The following GRIA4 variants were observed in gnomAD, a reference collection of about 807,000 sequenced individuals.
The protein encoded by GRIA4 is glutamate receptor 4.
Under a neutral mutation model 104.0 loss-of-function variants are expected in GRIA4, and 34 were observed. The ratio of observed to expected loss-of-function variants is 0.33; its 90% CI spans 0.25 to 0.44. GRIA4 has a LOEUF of 0.44. Ranked by LOEUF, GRIA4 falls within the 20% of genes least tolerant of loss-of-function variation. The pLI is 1.00. For synonymous variants in GRIA4, 386 were observed against 381.9 expected (o/e 1.01, Z -0.13); for missense variants, 750 against 1,096.5 (o/e 0.68, Z 4.46).
rs1175114051 is a variant in GRIA4, at chr11:105,798,840, G to A, written c.487+45620G>A. On this transcript the variant is annotated intron_variant, in intron 4 of 16. Coordinates refer to ENST00000282499, the MANE Select transcript of GRIA4 (RefSeq NM_000829.4). ...AGAACAGAGGAAAGAATATTGGTGG[G>A]AAGTCAGGTAGTGCTCAGGTTTTAA... Among the ~76,000 whole-genome samples, 3 of 152,126 alleles carry A rather than the reference G, an allele frequency of 2.0e-5. No homozygotes were observed. In the East Asian group the frequency reaches 5.8e-4, roughly 29 times the overall value.
chr11:105,892,166 C>G (rs1026742952), intron 6 of GRIA4, among the ~76,000 whole-genome samples: 1 of 152,088 alleles, frequency 6.6e-6, no homozygotes, highest in Middle Eastern at 3.2e-3. Context: ...TTAATCATCT[C>G]CCACAGCACC....
At chr11:105,976,016 T>A (rs775452229) in intron 16 of GRIA4, among the ~76,000 whole-genome samples, 1 of 152,090 alleles carries the variant, frequency 6.6e-6, no homozygotes, top group Non-Finnish European at 1.5e-5. Context: ...CAAAGTGGGA[T>A]AATATCAAGG....
At chr11:105,694,439 T>C (rs777830681) in intron 3 of GRIA4, among the ~76,000 whole-genome samples, 26 of 152,012 alleles carry the variant, frequency 1.7e-4, no homozygotes, top group Non-Finnish European at 3.8e-4. Flanking sequence ...AAGTCAATGC[T>C]CCCGGCCACA....
chr11:105,612,902 A>G (rs1562221), intron 3 of GRIA4: 11,883 of 154,818 alleles, frequency 0.077, 526 homozygotes, highest in African/African-American at 0.11. Context: ...AATAGTGAGA[A>G]AAAGAGGGGA....
At chr11:105,872,009 G>A (rs1945635923) in intron 5 of GRIA4, among the ~76,000 whole-genome samples, 1 of 152,064 alleles carries the variant, frequency 6.6e-6, no homozygotes, top group South Asian at 2.1e-4. Flanking sequence ...GGAAGGAGGT[G>A]AGTGAAAGAT....
At chr11:105,901,859 C>T (rs905349743) in intron 7 of GRIA4, among the ~76,000 whole-genome samples, 3 of 151,982 alleles carry the variant, frequency 2.0e-5, no homozygotes, top group Non-Finnish European at 4.4e-5. Flanking sequence ...TTTTTTCCTC[C>T]TTTGGTCCTC....
intron 3 of GRIA4, among the ~76,000 whole-genome samples, chr11:105,693,776 G>T (rs761443064): frequency 2.6e-5 from 4 of 152,096 alleles, no homozygotes; most frequent in Non-Finnish European, 4.4e-5. Flanking sequence ...ACAGCACAGA[G>T]ATCAGAAAAT....
chr11:105,741,666 G>A (rs1398016969), intron 3 of GRIA4, among the ~76,000 whole-genome samples: 1 of 152,122 alleles, frequency 6.6e-6, no homozygotes, highest in Non-Finnish European at 1.5e-5. Context: ...AGCCTTATCT[G>A]TGCCTGAAGA....
intron 14 of GRIA4, among the ~76,000 whole-genome samples, chr11:105,942,666 C>T (rs1338984009): frequency 6.6e-6 from 1 of 152,044 alleles, no homozygotes; most frequent in East Asian, 1.9e-4. Flanking sequence ...CATAGATTCA[C>T]TCTGAAAACT....
chr11:105,974,731 T>C (rs1270796488), intron 16 of GRIA4: 3 of 579,800 alleles, frequency 5.2e-6, no homozygotes, highest in African/African-American at 3.7e-5. Flanking sequence ...TTTGAAACTT[T>C]ATGTTGCCAA....
intron 3 of GRIA4, among the ~76,000 whole-genome samples, chr11:105,666,160 C>T (rs564018898): frequency 2.3e-4 from 35 of 152,096 alleles, no homozygotes; most frequent in Admixed American, 1.8e-3. Context: ...TGAACCATTG[C>T]TTCTCTTTCT....
At chr11:105,779,162 A>C (rs1033790148) in intron 4 of GRIA4, among the ~76,000 whole-genome samples, 1 of 151,746 alleles carries the variant, frequency 6.6e-6, no homozygotes, top group African/African-American at 2.4e-5. Context: ...ATATGTGCCA[A>C]ATTTTCTTGA....
intron 3 of GRIA4, among the ~76,000 whole-genome samples, chr11:105,660,139 G>T (rs1458829707): frequency 6.6e-6 from 1 of 151,542 alleles, no homozygotes; most frequent in Non-Finnish European, 1.5e-5. Context: ...AAAATGAAGA[G>T]AAATTTAATT....
chr11:105,614,182 TATTA>T (rs1219454473), intron 3 of GRIA4: 1 of 151,570 alleles, frequency 6.6e-6, no homozygotes. Context: ...TATTTTAACA[TATTA>T]ATTATTATTA....
chr11:105,838,309 A>G (rs1944268190), intron 4 of GRIA4, among the ~76,000 whole-genome samples: 3 of 152,176 alleles, frequency 2.0e-5, no homozygotes, highest in South Asian at 2.1e-4. Flanking sequence ...TTCATTCTGT[A>G]TAGAGTAATG....
At chr11:105,961,733 C>T (rs951084698) in intron 14 of GRIA4, among the ~76,000 whole-genome samples, 4 of 152,148 alleles carry the variant, frequency 2.6e-5, no homozygotes, top group African/African-American at 4.8e-5. Flanking sequence ...TTTAGGATTT[C>T]GGATTTTTGG....
At chr11:105,636,589 C>T (rs979955441) in intron 3 of GRIA4, among the ~76,000 whole-genome samples, 3 of 152,208 alleles carry the variant, frequency 2.0e-5, no homozygotes, top group South Asian at 4.1e-4. Flanking sequence ...CCCCTTTTTC[C>T]CTTGTGTTCC....
At chr11:105,632,996 G>C (rs1951077446) in intron 3 of GRIA4, among the ~76,000 whole-genome samples, 1 of 152,150 alleles carries the variant, frequency 6.6e-6, no homozygotes, top group African/African-American at 2.4e-5. Flanking sequence ...AGATGGTGCT[G>C]TTCACCAGGA....
intron 3 of GRIA4, among the ~76,000 whole-genome samples, chr11:105,648,147 T>C (rs1951583164): frequency 6.6e-6 from 1 of 151,644 alleles, no homozygotes; most frequent in African/African-American, 2.4e-5. Flanking sequence ...AATGACATAG[T>C]GGAGGAAAGT....
Sources: allele counts gnomAD v4.1 joint callset (sites outside exome capture counted in the v4.1 genomes callset), GRCh38; gene constraint gnomAD v4.1.1; transcripts MANE v1.5; gene names NCBI Gene and HGNC (gene_info 2026-07-23, HGNC 2026-07-21).